Variants in TRMT9B observed in about 807,000 individuals in gnomAD.
The protein encoded by TRMT9B is tRNA methyltransferase 9B (putative).
A neutral mutation model predicts 11.5 loss-of-function variants in TRMT9B; 16 were observed. The observed-to-expected ratio is 1.39, with a 90% CI of 0.94 to 2.11. The LOEUF (loss-of-function observed/expected upper bound fraction) is 2.11. Ranked by LOEUF, TRMT9B falls within the 30% of genes most tolerant of loss-of-function variation. The pLI is 0.00. For synonymous variants in TRMT9B, 274 were observed against 192.4 expected (o/e 1.42, Z -3.51); for missense variants, 941 against 553.8 (o/e 1.70, Z -7.02).
intron 1 of TRMT9B, among the ~76,000 whole-genome samples, chr8:12,971,595 C>G (rs557138600): frequency 2.7e-4 from 41 of 152,238 alleles, no homozygotes; most frequent in African/African-American, 8.9e-4. Flanking sequence ...GAATGACTAT[C>G]TTGTGGATAA....
intron 1 of TRMT9B, chr8:12,952,288 G>A (rs780803145): frequency 2.6e-6 from 1 of 386,160 alleles, no homozygotes; most frequent in Admixed American, 2.8e-5. Flanking sequence ...GCGCCCGCCC[G>A]CAGGGAGGAG....
intron 2 of TRMT9B, among the ~76,000 whole-genome samples, chr8:12,995,156 A>G (rs755171092): frequency 2.0e-5 from 3 of 152,218 alleles, no homozygotes; most frequent in Non-Finnish European, 4.4e-5. Context: ...ATAAACTGCA[A>G]CACAATACAA....
chr8:13,006,651 A>T, intron 3 of TRMT9B: 1 of 1,346,652 alleles, frequency 7.4e-7, no homozygotes, highest in African/African-American at 1.5e-5. Context: ...CAAGTAAAAA[A>T]CTTTCTCAAA....
chr8:12,947,879 A>C (rs1800340198), intron 1 of TRMT9B, among the ~76,000 whole-genome samples: 1 of 152,206 alleles, frequency 6.6e-6, no homozygotes, highest in South Asian at 2.1e-4. Context: ...CCTATGTATA[A>C]GGAAGCATTG....
At chr8:12,950,274 T>C (rs892396812) in intron 1 of TRMT9B, among the ~76,000 whole-genome samples, 3 of 152,230 alleles carry the variant, frequency 2.0e-5, no homozygotes, top group African/African-American at 7.2e-5. Flanking sequence ...GGTAGGTTAC[T>C]TTCCTGTTTA....
intron 1 of TRMT9B, among the ~76,000 whole-genome samples, chr8:12,947,884 G>T (rs143462899): frequency 2.2e-4 from 33 of 152,310 alleles, no homozygotes; most frequent in African/African-American, 7.7e-4. Context: ...GTATAAGGAA[G>T]CATTGGGGCT....
rs1299784259 is a variant in TRMT9B at position 13,021,458 on chromosome 8, C to T, written c.779C>T (p.Thr260Ile). Residue 260 changes from threonine to isoleucine, a missense_variant, in exon 5 of 5, where the codon ACT becomes ATT. Thr to Ile is a moderately conservative substitution (Grantham distance 89). Coordinates refer to ENST00000524591, the MANE Select transcript of TRMT9B (RefSeq NM_020844.3). ...TTCTCCAGATCTTTGGATGAATCGA[C>T]TCTGAGGAAGCAAATTGAAAGAGTA... is the stretch of plus-strand genomic sequence containing the variant. Reference protein sequence around the residue: ...WFFSRSLDESTLRKQIERVRP... With the variant: ...WFFSRSLDESILRKQIERVRP... 3.1e-6 allele frequency: 5 copies of T among 1,613,896 alleles called. No homozygotes were observed. The highest frequency in any genetic ancestry group is 2.7e-5 in the African/African-American group (2 of 74,932).
intron 1 of TRMT9B, chr8:12,961,868 G>C (rs891868568): frequency 6.6e-6 from 1 of 152,204 alleles, no homozygotes; most frequent in Non-Finnish European, 1.5e-5. Flanking sequence ...TGCACCTTCA[G>C]TGCAGACATT....
At chr8:12,956,326 G>A (rs1801305869) in intron 1 of TRMT9B, among the ~76,000 whole-genome samples, 1 of 152,188 alleles carries the variant, frequency 6.6e-6, no homozygotes, top group Non-Finnish European at 1.5e-5. Flanking sequence ...AAAGGTAAGA[G>A]GATATGTTGT....
At chr8:13,007,683 G>C (rs530930031) in intron 3 of TRMT9B, 98 of 152,218 alleles carry the variant, frequency 6.4e-4, no homozygotes, top group African/African-American at 2.3e-3. Flanking sequence ...TGAGTTTGGA[G>C]CTCTTACCAC....
At chr8:12,958,477 C>T (rs1201975649) in intron 1 of TRMT9B, 1 of 152,638 alleles carries the variant, frequency 6.6e-6, no homozygotes, top group Non-Finnish European at 1.5e-5. Flanking sequence ...AGCTATGCCT[C>T]TGTAGGGTTC....
In TRMT9B at chr8:13,015,140, T is replaced by G. The variant is rs143406292; in HGVS notation, c.328+2283T>G. On this transcript the variant is annotated intron_variant, in intron 4 of 4. Transcript: ENST00000524591. ...GAAATCTGTGGACTGCTTGGTCTTC[T>G]TTTGTCTACACTCATTTTATTTTTT... Among the ~76,000 whole-genome samples the G allele has an allele frequency of 7.3e-3, 1,116 of 152,014 alleles. 10 individuals carry two copies. The highest frequency in any genetic ancestry group is 0.026 in the African/African-American group (1,065 of 41,522).
At chr8:12,968,218 A>G (rs772408343) in intron 1 of TRMT9B, among the ~76,000 whole-genome samples, 13 of 152,202 alleles carry the variant, frequency 8.5e-5, no homozygotes, top group Non-Finnish European at 1.5e-4. Context: ...TGTTCAAGTC[A>G]CGGAAGACAT....
Position 13,023,734 on chromosome 8 carries a change from A to G in TRMT9B, c.*1690A>G, listed in dbSNP as rs942295756. ...TTTTCCACTAAAAGTGACTAAAATA[A>G]TAACGAATTTCATTTGTTCTTGGGT... On this transcript the variant is annotated 3_prime_UTR_variant, in exon 5 of 5. Coordinates refer to ENST00000524591, the MANE Select transcript of TRMT9B (RefSeq NM_020844.3). 1.8e-5 allele frequency: 3 copies of G among 166,904 alleles called. No individual in the cohort carries two copies. The highest frequency in any genetic ancestry group is 3.8e-4 in the East Asian group (2 of 5,206). The allele number at this position is 166,904 out of a possible 1,614,324, so 10.3% of individuals were successfully genotyped here.
intron 1 of TRMT9B, among the ~76,000 whole-genome samples, chr8:12,974,013 T>TAAA (rs1464442223): frequency 1.1e-3 from 164 of 152,136 alleles, no homozygotes; most frequent in African/African-American, 3.5e-3. Context: ...ATTAAAATTT[T>TAAA]TTTTTTAAAA....
intron 2 of TRMT9B, among the ~76,000 whole-genome samples, chr8:13,000,014 A>C (rs1230035393): frequency 6.6e-6 from 1 of 152,178 alleles, no homozygotes; most frequent in African/African-American, 2.4e-5. Flanking sequence ...TTCATGATCT[A>C]GATATTCTAC....
chr8:13,011,243 C>A (rs1811558764), intron 3 of TRMT9B: 2 of 936,398 alleles, frequency 2.1e-6, no homozygotes, highest in South Asian at 9.9e-5. Flanking sequence ...ACCACAGCCT[C>A]CCAAAGTGCT....
chr8:12,952,187 G>A (rs911572436), intron 1 of TRMT9B: 5 of 455,076 alleles, frequency 1.1e-5, no homozygotes, highest in East Asian at 1.4e-4. Context: ...TCGCCACACC[G>A]TGCGGAAAGC....
chr8:12,950,853 G>C (rs568189950), intron 1 of TRMT9B, among the ~76,000 whole-genome samples: 84 of 152,262 alleles, frequency 5.5e-4, no homozygotes, highest in Non-Finnish European at 3.2e-4. Flanking sequence ...TAAATAACCT[G>C]AACTGGAAAC....
Sources: gnomAD v4.1 joint callset for allele counts (sites outside exome capture counted in the v4.1 genomes callset) on GRCh38, gnomAD v4.1.1 for gene constraint, MANE v1.5 for transcripts, NCBI Gene and HGNC (gene_info 2026-07-23, HGNC 2026-07-21) for gene names.